RANBP17: variants seen among roughly 807,000 people sequenced by gnomAD.
RANBP17 encodes RAN binding protein 17, also known as ran-binding protein 17.
A neutral mutation model predicts 141.2 loss-of-function variants in RANBP17; 158 were observed. That is an observed-to-expected ratio of 1.12 (90% CI 0.98 to 1.28). The LOEUF is 1.28. Ranked by LOEUF, RANBP17 falls within the 50% of genes most tolerant of loss-of-function variation. RANBP17 has a pLI of 0.00. For missense variants in RANBP17, 1,438 were observed against 1,290.7 expected, an observed-to-expected ratio of 1.11 and a Z score of -1.75; for synonymous variants, 430 against 450.0, an observed-to-expected ratio of 0.96 and a Z score of 0.56.
chr5:171,050,536 G>A (rs907248104), intron 14 of RANBP17, among the ~76,000 whole-genome samples: 6 of 152,016 alleles, frequency 3.9e-5, no homozygotes, highest in East Asian at 3.9e-4. Flanking sequence ...GCAAAGCCCC[G>A]TCTCTACAAA....
chr5:170,974,512 G>A (rs1777221572), intron 14 of RANBP17, among the ~76,000 whole-genome samples: 1 of 152,092 alleles, frequency 6.6e-6, no homozygotes, highest in African/African-American at 2.4e-5. Flanking sequence ...CTCCCAGGAT[G>A]GAATCACATG....
intron 14 of RANBP17, chr5:170,968,654 C>T (rs1225331090): frequency 4.0e-6 from 2 of 500,658 alleles, no homozygotes; most frequent in Non-Finnish European, 7.7e-6. Flanking sequence ...TCAATTTTGC[C>T]TTATTGTATT....
intron 5 of RANBP17, among the ~76,000 whole-genome samples, chr5:170,905,467 A>G (rs1414216700): frequency 6.6e-6 from 1 of 152,062 alleles, no homozygotes; most frequent in Non-Finnish European, 1.5e-5. Context: ...CAAAAGAACC[A>G]TTTTCTACTT....
At chr5:171,096,598 A>T (rs1786710102) in intron 14 of RANBP17, among the ~76,000 whole-genome samples, 2 of 152,208 alleles carry the variant, frequency 1.3e-5, no homozygotes, top group Non-Finnish European at 2.9e-5. Flanking sequence ...AGATCTAAAG[A>T]GATACTGCCT....
At chr5:171,228,469 A>C (rs188674057) in intron 22 of RANBP17, among the ~76,000 whole-genome samples, 13 of 152,352 alleles carry the variant, frequency 8.5e-5, no homozygotes, top group Admixed American at 3.9e-4. Context: ...GACCAAAGAA[A>C]GTGGTGTCTT....
At chr5:171,280,863 A>C (rs1474223574) in intron 25 of RANBP17, among the ~76,000 whole-genome samples, 1 of 152,212 alleles carries the variant, frequency 6.6e-6, no homozygotes, top group Non-Finnish European at 1.5e-5. Context: ...TTAAATTGCA[A>C]ATTCTCCATA....
At chr5:170,927,595 G>C (rs1242786015) in intron 12 of RANBP17, among the ~76,000 whole-genome samples, 1 of 151,692 alleles carries the variant, frequency 6.6e-6, no homozygotes, top group Non-Finnish European at 1.5e-5. Flanking sequence ...TGATTTTTAA[G>C]AGCTTTTTAC....
intron 18 of RANBP17, among the ~76,000 whole-genome samples, chr5:171,194,063 T>A (rs1368638308): frequency 6.6e-6 from 1 of 152,200 alleles, no homozygotes; most frequent in Non-Finnish European, 1.5e-5. Context: ...TATTACTTGC[T>A]TCTCCTTGCC....
chr5:171,066,331 C>G (rs1260730597), intron 14 of RANBP17, among the ~76,000 whole-genome samples: 1 of 152,164 alleles, frequency 6.6e-6, no homozygotes, highest in African/African-American at 2.4e-5. Context: ...CTTCACCTTC[C>G]TCCAGTCCCT....
intron 13 of RANBP17, among the ~76,000 whole-genome samples, chr5:170,961,658 G>A (rs1776156160): frequency 6.6e-6 from 1 of 152,100 alleles, no homozygotes; most frequent in Non-Finnish European, 1.5e-5. Flanking sequence ...ATGCTCAGAT[G>A]GTAAGTATAA....
chr5:170,944,479 G>C (rs1028263933), intron 12 of RANBP17, among the ~76,000 whole-genome samples: 6 of 152,150 alleles, frequency 3.9e-5, no homozygotes, highest in African/African-American at 1.4e-4. Context: ...TGTTGGCCAG[G>C]CTGGTCTCGA....
intron 5 of RANBP17, among the ~76,000 whole-genome samples, chr5:170,902,767 ACAGT>A (rs1286748396): frequency 2.0e-5 from 3 of 152,138 alleles, no homozygotes; most frequent in South Asian, 4.2e-4. Flanking sequence ...TTTCCTTCTA[ACAGT>A]CAGGCCCCTC....
intron 14 of RANBP17, among the ~76,000 whole-genome samples, chr5:171,044,546 C>T (rs1782447179): frequency 6.6e-6 from 1 of 151,714 alleles, no homozygotes. Context: ...TTTTGCTTTG[C>T]TCACAAAGGT....
intron 21 of RANBP17, among the ~76,000 whole-genome samples, chr5:171,217,139 G>A (rs1406365306): frequency 6.6e-6 from 1 of 151,990 alleles, no homozygotes; most frequent in Admixed American, 6.6e-5. Flanking sequence ...GAATTTTATC[G>A]AAGGCCTTTT....
intron 24 of RANBP17, among the ~76,000 whole-genome samples, chr5:171,260,064 C>A (rs374969206): frequency 1.3e-5 from 2 of 151,672 alleles, no homozygotes; most frequent in African/African-American, 4.8e-5. Flanking sequence ...CTTTGGAAGG[C>A]CCAAGTGGGC....
chr5:171,051,574 T>C (rs879103418), intron 14 of RANBP17, among the ~76,000 whole-genome samples: 1 of 152,212 alleles, frequency 6.6e-6, no homozygotes, highest in African/African-American at 2.4e-5. Flanking sequence ...AACTTCTTTT[T>C]ATGGCTGAAT....
chr5:171,082,364 A>C (rs1785309529), intron 14 of RANBP17, among the ~76,000 whole-genome samples: 1 of 152,182 alleles, frequency 6.6e-6, no homozygotes, highest in Admixed American at 6.5e-5. Context: ...TATATTTGAT[A>C]AAAGAGCCAG....
chr5:171,244,527 A>G (rs553950527), intron 24 of RANBP17, among the ~76,000 whole-genome samples: 83 of 152,062 alleles, frequency 5.5e-4, no homozygotes, highest in African/African-American at 2.0e-3. Context: ...TCTTACTGCA[A>G]CCTCCACCTC....
chr5:170,944,300 A>AC (rs1248580088), intron 12 of RANBP17, among the ~76,000 whole-genome samples: 11 of 152,158 alleles, frequency 7.2e-5, no homozygotes, highest in Admixed American at 1.3e-4. Flanking sequence ...ACAGGGTCTC[A>AC]CTGTCACCTA....
Sources: allele counts gnomAD v4.1 joint callset (sites outside exome capture counted in the v4.1 genomes callset), GRCh38; gene constraint gnomAD v4.1.1; transcripts MANE v1.5; gene names NCBI Gene and HGNC (gene_info 2026-07-23, HGNC 2026-07-21).